Variants in WWOX observed in about 807,000 individuals in gnomAD.
The protein encoded by WWOX is WW domain-containing oxidoreductase.
Under a neutral mutation model 46.2 loss-of-function variants are expected in WWOX, and 69 were observed. That is an observed-to-expected ratio of 1.49 (90% CI 1.23 to 1.82). The LOEUF (loss-of-function observed/expected upper bound fraction) is 1.82. Among genes scored for constraint, WWOX ranks in the 40% most tolerant of loss-of-function variants. The pLI is 0.00. For synonymous variants in WWOX, 359 were observed against 202.6 expected, an observed-to-expected ratio of 1.77 and a Z score of -6.56; for missense variants, 919 against 542.6, an observed-to-expected ratio of 1.69 and a Z score of -6.89.
rs1403037283 is a variant in WWOX at position 78,465,786 on chromosome 16, G to T, written c.1056+33034G>T. On this transcript the variant is annotated intron_variant, in intron 8 of 8. Coordinates refer to ENST00000566780, the MANE Select transcript of WWOX (RefSeq NM_016373.4). ...CACCTTATTTTTTAAAATGTATTCTGTGTTTCATGATTTTTTCTGAATAAC... is the reference window on the plus strand; with the variant it reads ...CACCTTATTTTTTAAAATGTATTCTTTGTTTCATGATTTTTTCTGAATAAC... 2.0e-5 allele frequency among the ~76,000 whole-genome samples: 3 copies of T among 152,068 alleles called. No homozygotes were observed. In the East Asian group the frequency reaches 5.8e-4, roughly 29 times the overall value.
At chr16:79,041,973 C>G (rs2047979998) in intron 8 of WWOX, among the ~76,000 whole-genome samples, 1 of 152,096 alleles carries the variant, frequency 6.6e-6, no homozygotes, top group Non-Finnish European at 1.5e-5. Flanking sequence ...GAAGTTCACC[C>G]TGGTTCTGCA....
intron 8 of WWOX, among the ~76,000 whole-genome samples, chr16:78,824,809 C>G (rs2051603826): frequency 6.6e-6 from 1 of 152,120 alleles, no homozygotes; most frequent in Non-Finnish European, 1.5e-5. Flanking sequence ...AGATACAATT[C>G]AAGTTGAGAT....
intron 8 of WWOX, among the ~76,000 whole-genome samples, chr16:79,089,547 G>C (rs1415392835): frequency 6.6e-6 from 1 of 151,908 alleles, no homozygotes; most frequent in East Asian, 1.9e-4. Context: ...GGTCAGGGTG[G>C]TCTCGAACTC....
At chr16:79,072,692 C>G (rs896761832) in intron 8 of WWOX, among the ~76,000 whole-genome samples, 1 of 152,224 alleles carries the variant, frequency 6.6e-6, no homozygotes, top group Non-Finnish European at 1.5e-5. Context: ...ATCACCATCA[C>G]CATCGTCATC....
At chr16:79,168,243 T>G (rs2050632884) in intron 8 of WWOX, among the ~76,000 whole-genome samples, 1 of 152,216 alleles carries the variant, frequency 6.6e-6, no homozygotes, top group Admixed American at 6.5e-5. Flanking sequence ...GGGTATATAC[T>G]TAGGGGTGGA....
At chr16:79,179,267 G>T (rs1486974416) in intron 8 of WWOX, among the ~76,000 whole-genome samples, 1 of 152,192 alleles carries the variant, frequency 6.6e-6, no homozygotes, top group East Asian at 1.9e-4. Context: ...GACCAGGGTG[G>T]TGAATGAACA....
intron 8 of WWOX, among the ~76,000 whole-genome samples, chr16:78,764,135 C>G (rs975288392): frequency 2.6e-5 from 4 of 152,096 alleles, no homozygotes; most frequent in Non-Finnish European, 5.9e-5. Flanking sequence ...CCACTTTTGC[C>G]GAAAAGTCAC....
At chr16:78,965,309 C>G (rs536894291) in intron 8 of WWOX, among the ~76,000 whole-genome samples, 38 of 152,286 alleles carry the variant, frequency 2.5e-4, no homozygotes, top group Admixed American at 5.9e-4. Context: ...TGGCTCATGC[C>G]TATAATCCTA....
chr16:78,682,293 A>G (rs61143545), intron 8 of WWOX, among the ~76,000 whole-genome samples: 4,142 of 152,334 alleles, frequency 0.027, 73 homozygotes, highest in East Asian at 0.065. Flanking sequence ...ATAGTTTAAA[A>G]TACTTGGTAG....
At chr16:78,882,075 G>A (rs1597100986) in intron 8 of WWOX, among the ~76,000 whole-genome samples, 4 of 151,142 alleles carry the variant, frequency 2.6e-5, no homozygotes, top group South Asian at 4.2e-4. Context: ...GCAGCGAGCC[G>A]AGATCACACC....
chr16:78,482,740 G>C (rs16947672), intron 8 of WWOX, among the ~76,000 whole-genome samples: 1 of 152,092 alleles, frequency 6.6e-6, no homozygotes, highest in African/African-American at 2.4e-5. Flanking sequence ...ACTTATTGGC[G>C]CTAAGACTGT....
chr16:78,920,873 G>C (rs62038099), intron 8 of WWOX, among the ~76,000 whole-genome samples: 3 of 152,098 alleles, frequency 2.0e-5, no homozygotes, highest in Non-Finnish European at 4.4e-5. Flanking sequence ...TGATGAGCTC[G>C]ATGAGCAAAT....
intron 5 of WWOX, among the ~76,000 whole-genome samples, chr16:78,266,788 TTCTCTCTCTCTCTCTCTCTCTC>T (rs60393431): frequency 8.7e-6 from 1 of 115,532 alleles, no homozygotes; most frequent in African/African-American, 3.2e-5. Flanking sequence ...TATTCTTCTA[TTCTCTCTCTCTCTCTCTCTCTC>T]TCTCTCTCTC....
At chr16:79,069,945 C>A (rs1316607044) in intron 8 of WWOX, among the ~76,000 whole-genome samples, 2 of 152,170 alleles carry the variant, frequency 1.3e-5, no homozygotes, top group Non-Finnish European at 2.9e-5. Flanking sequence ...CTTTGTGTCA[C>A]ATATTTAAGG....
chr16:78,676,300 G>C (rs1049943530), intron 8 of WWOX, among the ~76,000 whole-genome samples: 1 of 152,048 alleles, frequency 6.6e-6, no homozygotes, highest in Non-Finnish European at 1.5e-5. Context: ...AAAGAAGCGA[G>C]GGTCTCAGAC....
chr16:78,421,754 T>C (rs1027195726), intron 6 of WWOX, among the ~76,000 whole-genome samples: 1 of 152,214 alleles, frequency 6.6e-6, no homozygotes, highest in African/African-American at 2.4e-5. Flanking sequence ...AAACTTGATC[T>C]GCTTTTTACA....
intron 8 of WWOX, among the ~76,000 whole-genome samples, chr16:78,772,770 G>T (rs943867924): frequency 2.6e-5 from 4 of 152,176 alleles, no homozygotes; most frequent in East Asian, 1.9e-4. Context: ...TGTAATCTCA[G>T]CGCTTTGTGG....
intron 8 of WWOX, among the ~76,000 whole-genome samples, chr16:78,705,238 A>C (rs1418380293): frequency 1.3e-5 from 2 of 152,128 alleles, no homozygotes; most frequent in African/African-American, 4.8e-5. Flanking sequence ...TTCATCTGAG[A>C]GGTTTTCTCT....
At chr16:78,878,925 G>T (rs1029883178) in intron 8 of WWOX, among the ~76,000 whole-genome samples, 6 of 129,996 alleles carry the variant, frequency 4.6e-5, no homozygotes, top group African/African-American at 1.7e-4. Context: ...AAAAAAGCCT[G>T]TCATAGTGGT....
Sources: gnomAD v4.1 joint callset for allele counts (sites outside exome capture counted in the v4.1 genomes callset) on GRCh38, gnomAD v4.1.1 for gene constraint, MANE v1.5 for transcripts, NCBI Gene and HGNC (gene_info 2026-07-23, HGNC 2026-07-21) for gene names.